Variants in GLRA3 observed in about 807,000 individuals in gnomAD.
The protein encoded by GLRA3 is glycine receptor subunit alpha-3.
GLRA3 carries 44 observed loss-of-function variants against 60.4 expected under a neutral mutation model. That is an observed-to-expected ratio of 0.73 (90% CI 0.57 to 0.94). GLRA3 has a LOEUF of 0.94. GLRA3 is among the 40% of genes least tolerant of loss of function. The pLI is 0.00. For synonymous variants in GLRA3, 223 were observed against 192.9 expected (o/e 1.16, Z -1.29); for missense variants, 508 against 564.6 (o/e 0.90, Z 1.02).
At position 174,730,440 on chromosome 4, in the gene GLRA3, G is replaced by A. The variant is rs575455616; in HGVS notation, c.268-1742C>T. 2.6e-5 allele frequency among the ~76,000 whole-genome samples: 4 copies of A among 152,194 alleles called. No individual in the cohort carries two copies. In the East Asian group the frequency reaches 7.7e-4, roughly 29 times the overall value. ...ACCTGCCAGGAAAGATAACTGACTA[G>A]TAAAGAATGTACATTTGTACTGATT... On this transcript the variant is annotated intron_variant, in intron 3 of 9. Coordinates refer to ENST00000274093, the MANE Select transcript of GLRA3 (RefSeq NM_006529.4).
intron 4 of GLRA3, among the ~76,000 whole-genome samples, chr4:174,719,731 C>T (rs1736066214): frequency 6.6e-6 from 1 of 152,094 alleles, no homozygotes; most frequent in South Asian, 2.1e-4. Context: ...AACTCAGCAA[C>T]CCATTACCAA....
intron 1 of GLRA3, among the ~76,000 whole-genome samples, chr4:174,817,772 A>T (rs1579656011): frequency 6.6e-6 from 1 of 152,066 alleles, no homozygotes; most frequent in Non-Finnish European, 1.5e-5. Context: ...ACACCCAGCT[A>T]ATTTTTGTAT....
intron 3 of GLRA3, among the ~76,000 whole-genome samples, chr4:174,762,695 A>C (rs1383590841): frequency 2.0e-5 from 3 of 152,288 alleles, no homozygotes; most frequent in Admixed American, 2.0e-4. Context: ...TAAATTTTAA[A>C]TTTGTGAAGG....
intron 1 of GLRA3, among the ~76,000 whole-genome samples, chr4:174,802,012 GAAATAAATATTTCAA>G (rs1739833007): frequency 1.3e-5 from 2 of 150,966 alleles, no homozygotes; most frequent in South Asian, 2.1e-4. Context: ...AAATATTTTT[GAAATAAATATTTCAA>G]AAATAAATAT....
chr4:174,802,593 G>A (rs1363408214), intron 1 of GLRA3, among the ~76,000 whole-genome samples: 2 of 151,894 alleles, frequency 1.3e-5, no homozygotes, highest in African/African-American at 4.8e-5. Flanking sequence ...CCTGTCTCCT[G>A]GCTAACATCA....
chr4:174,652,025 T>G lies in GLRA3; in HGVS notation c.1116+4718A>C, dbSNP rs564725834. Among the ~76,000 whole-genome samples, 22 of 152,218 alleles carry G rather than the reference T, an allele frequency of 1.4e-4. No individual in the cohort carries two copies. In the South Asian group the frequency reaches 4.6e-3, roughly 32 times the overall value. Reference sequence around the variant, plus strand: ...GGACCTTAAAAACATCAAGTTTTTTTTTTAATGACCTAAACAATAATTTTA... The same window carrying G: ...GGACCTTAAAAACATCAAGTTTTTTGTTTAATGACCTAAACAATAATTTTA... On this transcript the variant is annotated intron_variant, in intron 9 of 9. Transcript: ENST00000274093.
intron 3 of GLRA3, among the ~76,000 whole-genome samples, chr4:174,738,151 C>A (rs927427640): frequency 5.9e-5 from 9 of 152,182 alleles, no homozygotes; most frequent in African/African-American, 1.9e-4. Context: ...GAATTAACTT[C>A]TTTTAGAAAC....
At chr4:174,827,647 G>GA (rs35993901) in intron 1 of GLRA3, among the ~76,000 whole-genome samples, 1 of 151,418 alleles carries the variant, frequency 6.6e-6, no homozygotes, top group African/African-American at 2.4e-5. Context: ...CTTATTTTGG[G>GA]AAAAAATCAA....
In GLRA3 at chr4:174,728,688, A is replaced by T; in HGVS notation, c.278T>A (p.Val93Glu). Residue 93 changes from valine (V) to glutamate (E), a missense_variant, in exon 4 of 10, where the codon GTG (valine) becomes GAG (glutamate). Val to Glu is a moderately radical substitution (Grantham distance 121, BLOSUM62 -2). Around this residue, in one of 3 missense-constraint regions of GLRA3, gnomAD observed 329 missense variants for 349.3 expected, o/e 0.94. Transcript: ENST00000274093. ...CCATTTCTGACGAAGAAAGATATTCACTCTGTAATCCTATGATAAAATAAT... is the reference window on the plus strand; with the variant it reads ...CCATTTCTGACGAAGAAAGATATTCTCTCTGTAATCCTATGATAAAATAAT... ...SIAETTMDYR[V>E]NIFLRQKWND... is the part of the protein sequence containing the mutation. 2 of 1,572,664 alleles carry T rather than the reference A, an allele frequency of 1.3e-6. No individual in the cohort carries two copies. The highest frequency in any genetic ancestry group is 1.7e-6 in the Non-Finnish European group (2 of 1,145,620).
chr4:174,655,007 C>G (rs1269396686), intron 9 of GLRA3, among the ~76,000 whole-genome samples: 1 of 152,074 alleles, frequency 6.6e-6, no homozygotes, highest in Non-Finnish European at 1.5e-5. Flanking sequence ...CAATGCTGAG[C>G]CTAGTTAAAA....
chr4:174,815,730 T>A (rs2111382031), intron 1 of GLRA3, among the ~76,000 whole-genome samples: 1 of 152,280 alleles, frequency 6.6e-6, no homozygotes, highest in East Asian at 1.9e-4. Context: ...ACCAAGTCCC[T>A]AGGCTGCACA....
At chr4:174,803,045 C>T (rs2111346660) in intron 1 of GLRA3, among the ~76,000 whole-genome samples, 1 of 151,948 alleles carries the variant, frequency 6.6e-6, no homozygotes, top group East Asian at 1.9e-4. Flanking sequence ...AAGGAGGACT[C>T]CATTCAATAG....
intron 1 of GLRA3, among the ~76,000 whole-genome samples, chr4:174,793,533 A>C (rs541185423): frequency 6.6e-6 from 1 of 151,704 alleles, no homozygotes; most frequent in Non-Finnish European, 1.5e-5. Context: ...GCTCCCCGCA[A>C]CGTTGAACTT....
intron 4 of GLRA3, among the ~76,000 whole-genome samples, chr4:174,719,002 G>T (rs943049197): frequency 1.7e-5 from 2 of 119,394 alleles, no homozygotes; most frequent in Non-Finnish European, 3.2e-5. Flanking sequence ...TCTCGCTGTC[G>T]CCCAGGCTGG....
chr4:174,776,799 T>C (rs1170672561), intron 2 of GLRA3, among the ~76,000 whole-genome samples: 1 of 152,122 alleles, frequency 6.6e-6, no homozygotes, highest in Non-Finnish European at 1.5e-5. Context: ...CAAATAAACA[T>C]ACAAAATAGC....
chr4:174,786,405 G>A (rs1242736134), intron 2 of GLRA3, among the ~76,000 whole-genome samples: 2 of 152,058 alleles, frequency 1.3e-5, no homozygotes, highest in Non-Finnish European at 2.9e-5. Flanking sequence ...GAGGTGAGGT[G>A]GGCCCCTAGG....
At chr4:174,740,681 G>C (rs1736985122) in intron 3 of GLRA3, among the ~76,000 whole-genome samples, 1 of 152,174 alleles carries the variant, frequency 6.6e-6, no homozygotes, top group Non-Finnish European at 1.5e-5. Flanking sequence ...CAAATGCATA[G>C]AGATGTGTAA....
intron 1 of GLRA3, among the ~76,000 whole-genome samples, chr4:174,814,062 G>C (rs538724193): frequency 3.4e-5 from 4 of 117,272 alleles, no homozygotes; most frequent in Admixed American, 1.7e-4. Context: ...CAGCATCAAG[G>C]GGGGGTATCC....
At chr4:174,645,143 G>A (rs1732765157) in intron 9 of GLRA3, among the ~76,000 whole-genome samples, 1 of 152,112 alleles carries the variant, frequency 6.6e-6, no homozygotes, top group African/African-American at 2.4e-5. Context: ...GCTGGGCATA[G>A]TGGCTCATGC....
Sources: gnomAD v4.1 joint callset for allele counts (sites outside exome capture counted in the v4.1 genomes callset) on GRCh38, gnomAD v4.1.1 for gene constraint, gnomAD v4.1.1 regional missense constraint, MANE v1.5 for transcripts, NCBI Gene and HGNC (gene_info 2026-07-23, HGNC 2026-07-21) for gene names.